Variants in CRADD observed in about 807,000 individuals in gnomAD.
CRADD encodes the protein CARD and death domain containing adaptor protein, also known as death domain-containing protein CRADD.
Under a neutral mutation model 15.5 loss-of-function variants are expected in CRADD, and 9 were observed. That is an observed-to-expected ratio of 0.58 (90% CI 0.35 to 1.01). The LOEUF is 1.01. Ranked by LOEUF, CRADD falls within the 50% of genes least tolerant of loss-of-function variation. CRADD has a pLI of 0.02. For synonymous variants in CRADD, 118 were observed against 107.6 expected, an observed-to-expected ratio of 1.10 and a Z score of -0.60; for missense variants, 227 against 250.3, an observed-to-expected ratio of 0.91 and a Z score of 0.63.
intron 2 of CRADD, among the ~76,000 whole-genome samples, chr12:93,770,691 T>G (rs921534877): frequency 6.6e-6 from 1 of 152,240 alleles, no homozygotes; most frequent in Non-Finnish European, 1.5e-5. Flanking sequence ...AACACATACT[T>G]TGATTACTGT....
intron 2 of CRADD, among the ~76,000 whole-genome samples, chr12:93,697,406 G>A (rs1955735788): frequency 6.6e-6 from 1 of 152,214 alleles, no homozygotes; most frequent in African/African-American, 2.4e-5. Flanking sequence ...GACACCAAAT[G>A]CTTGATCTTG....
intron 2 of CRADD, among the ~76,000 whole-genome samples, chr12:93,804,596 G>A (rs576222487): frequency 3.3e-5 from 5 of 152,104 alleles, no homozygotes; most frequent in South Asian, 2.1e-4. Flanking sequence ...GAACACTGTG[G>A]TCAGGCCCTT....
intron 2 of CRADD, among the ~76,000 whole-genome samples, chr12:93,700,719 C>T (rs895162784): frequency 2.0e-5 from 3 of 152,092 alleles, no homozygotes; most frequent in African/African-American, 4.8e-5. Flanking sequence ...TGTGAGCCAC[C>T]GCATCCGGTC....
chr12:93,836,197 T>A (rs970943736), intron 2 of CRADD: 11 of 152,136 alleles, frequency 7.2e-5, no homozygotes, highest in Non-Finnish European at 1.3e-4. Flanking sequence ...GAGAAAAAAA[T>A]GTAAGAAACC....
rs552603646 is a variant in CRADD at position 93,883,897 on chromosome 12, T to G, written c.299-10153T>G. On this transcript the variant is annotated intron_variant, in intron 2 of 2. Coordinates refer to the CRADD transcript ENST00000548483. ...CAAGCAATGATTCATATAAAGACAA[T>G]GAAGGGTACGTTCTGAGAATGGAAT... is the stretch of plus-strand genomic sequence containing the variant. Among the ~76,000 whole-genome samples, 3 of 152,134 alleles carry G rather than the reference T, an allele frequency of 2.0e-5. No homozygotes were observed. The East Asian group carries it at 5.8e-4, about 29-fold the overall frequency.
At chr12:93,752,148 A>T (rs1373961916) in intron 2 of CRADD, among the ~76,000 whole-genome samples, 2 of 152,226 alleles carry the variant, frequency 1.3e-5, no homozygotes, top group African/African-American at 4.8e-5. Flanking sequence ...CTGGGACTTC[A>T]TTCCCGCTGG....
At chr12:93,828,071 T>G (rs192369218) in intron 2 of CRADD, among the ~76,000 whole-genome samples, 2 of 152,346 alleles carry the variant, frequency 1.3e-5, no homozygotes, top group Admixed American at 1.3e-4. Context: ...GTGAGTGATG[T>G]TGAGTGTCTT....
At chr12:93,784,104 AC>A (rs1381182519) in intron 2 of CRADD, among the ~76,000 whole-genome samples, 3 of 152,134 alleles carry the variant, frequency 2.0e-5, no homozygotes. Flanking sequence ...GGCTGGTCCC[AC>A]GTAACAATTT....
intron 2 of CRADD, among the ~76,000 whole-genome samples, chr12:93,688,472 G>C (rs1244221093): frequency 6.6e-6 from 1 of 150,794 alleles, no homozygotes; most frequent in Non-Finnish European, 1.5e-5. Flanking sequence ...TCCATCCTGG[G>C]TGACAGAGTG....
chr12:93,736,398 T>C (rs1194424995), intron 2 of CRADD, among the ~76,000 whole-genome samples: 1 of 152,230 alleles, frequency 6.6e-6, no homozygotes, highest in African/African-American at 2.4e-5. Flanking sequence ...CAAAACTTTC[T>C]GTGCTGACCA....
At chr12:93,859,972 C>T (rs1310883411) in intron 2 of CRADD, among the ~76,000 whole-genome samples, 1 of 151,594 alleles carries the variant, frequency 6.6e-6, no homozygotes, top group Non-Finnish European at 1.5e-5. Context: ...TCAAGCCATC[C>T]TCCTGCCTTG....
chr12:93,681,639 G>A (rs1004660551), intron 2 of CRADD, among the ~76,000 whole-genome samples: 9 of 152,034 alleles, frequency 5.9e-5, no homozygotes, highest in Non-Finnish European at 1.0e-4. Flanking sequence ...GCGAACACCC[G>A]TCTCCTCATC....
At chr12:93,806,438 C>T (rs1381531664) in intron 2 of CRADD, among the ~76,000 whole-genome samples, 2 of 114,856 alleles carry the variant, frequency 1.7e-5, no homozygotes, top group Admixed American at 1.3e-4. Flanking sequence ...GGCGACAGAG[C>T]GAGACTCCAT....
chr12:93,680,482 G>T (rs1955257834), intron 2 of CRADD, among the ~76,000 whole-genome samples: 1 of 152,192 alleles, frequency 6.6e-6, no homozygotes, highest in Admixed American at 6.5e-5. Flanking sequence ...GATCCCAGTG[G>T]AAAAAGCAAA....
At chr12:93,757,758 G>T (rs191856048) in intron 2 of CRADD, among the ~76,000 whole-genome samples, 32 of 152,306 alleles carry the variant, frequency 2.1e-4, no homozygotes, top group African/African-American at 7.5e-4. Context: ...GAATTGTTAG[G>T]AGGAGGAAGG....
In CRADD at chr12:93,848,021, T is replaced by C. The variant is rs1175954949; in HGVS notation, c.299-1949T>C. 5.9e-5 allele frequency among the ~76,000 whole-genome samples: 9 copies of C among 152,196 alleles called. No homozygotes were observed. The South Asian group carries it at 1.9e-3, about 32-fold the overall frequency. ...ATGTTATCATTTTAAATGAACCCAT[T>C]ACCCTCTATCTAGCCTTCTACCAGT... On this transcript the variant is annotated intron_variant, in intron 2 of 2. Coordinates refer to ENST00000332896, the MANE Select transcript of CRADD (RefSeq NM_003805.5).
chr12:93,762,407 G>A (rs1209648492), intron 2 of CRADD, among the ~76,000 whole-genome samples: 4 of 152,166 alleles, frequency 2.6e-5, no homozygotes, highest in Non-Finnish European at 5.9e-5. Context: ...AGTTACATTA[G>A]ATGTAATTGG....
chr12:93,886,514 A>G (rs1175952706), intron 2 of CRADD, among the ~76,000 whole-genome samples: 1 of 151,954 alleles, frequency 6.6e-6, no homozygotes. Flanking sequence ...CTCCCCACCC[A>G]TAGGCATTTC....
At chr12:93,818,964 A>G (rs1173795485) in intron 2 of CRADD, among the ~76,000 whole-genome samples, 1 of 152,254 alleles carries the variant, frequency 6.6e-6, no homozygotes, top group African/African-American at 2.4e-5. Flanking sequence ...GCACTGGCGA[A>G]GATCAGCAGC....
Sources: allele counts gnomAD v4.1 joint callset (sites outside exome capture counted in the v4.1 genomes callset), GRCh38; gene constraint gnomAD v4.1.1; transcripts MANE v1.5; gene names NCBI Gene and HGNC (gene_info 2026-07-23, HGNC 2026-07-21).